TRPM3: variants seen among roughly 807,000 people sequenced by gnomAD.
The protein encoded by TRPM3 is transient receptor potential cation channel subfamily M member 3.
In TRPM3, 77 loss-of-function variants were observed where a neutral mutation model predicts 181.2. The ratio of observed to expected loss-of-function variants is 0.42; its 90% CI spans 0.35 to 0.51. The LOEUF (loss-of-function observed/expected upper bound fraction) is 0.51. Ranked by LOEUF, TRPM3 falls within the 20% of genes least tolerant of loss-of-function variation. TRPM3 has a pLI of 0.01. For synonymous variants in TRPM3, 745 were observed against 796.4 expected (o/e 0.94, Z 1.09); for missense variants, 1,759 against 2,196.7 (o/e 0.80, Z 3.98).
At chr9:70,829,849 T>G (rs1588953311) in intron 5 of TRPM3, among the ~76,000 whole-genome samples, 1 of 152,182 alleles carries the variant, frequency 6.6e-6, no homozygotes, top group East Asian at 1.9e-4. Flanking sequence ...AGGTTGCTTG[T>G]GGTTAAAATT....
At chr9:70,744,396 T>C (rs145291078) in intron 8 of TRPM3, among the ~76,000 whole-genome samples, 1 of 152,224 alleles carries the variant, frequency 6.6e-6, no homozygotes, top group African/African-American at 2.4e-5. Flanking sequence ...TGCTCTTCAT[T>C]TGTATAGTCT....
chr9:71,348,934 T>G (rs1003310874), intron 1 of TRPM3, among the ~76,000 whole-genome samples: 3 of 152,230 alleles, frequency 2.0e-5, no homozygotes, highest in African/African-American at 4.8e-5. Context: ...GCCACTGATC[T>G]GTTTTGTGAA....
intron 1 of TRPM3, among the ~76,000 whole-genome samples, chr9:71,131,768 C>A (rs1319269774): frequency 6.6e-6 from 1 of 152,144 alleles, no homozygotes; most frequent in East Asian, 1.9e-4. Flanking sequence ...AGACTCTAAA[C>A]TGCAGGTAGA....
At chr9:70,591,360 A>G (rs1338176148) in intron 21 of TRPM3, among the ~76,000 whole-genome samples, 155 bp from the exon 22 acceptor site, 1 of 152,176 alleles carries the variant, frequency 6.6e-6, no homozygotes, top group African/African-American at 2.4e-5. Flanking sequence ...CCAGATAAGA[A>G]GATGCTTGGT....
At chr9:70,864,372 T>C (rs1335233488) in intron 2 of TRPM3, 60 bp downstream of exon 2, 3 of 1,190,286 alleles carry the variant, frequency 2.5e-6, no homozygotes, top group South Asian at 1.8e-5. Context: ...ATGATTACTC[T>C]TGCAGGTTTT....
chr9:70,959,134 C>T (rs1402183223), intron 1 of TRPM3, among the ~76,000 whole-genome samples: 1 of 150,812 alleles, frequency 6.6e-6, no homozygotes, highest in Non-Finnish European at 1.5e-5. Context: ...GCACATGTAC[C>T]CTAAAACTTA....
intron 8 of TRPM3, 30 bp from the exon 9 acceptor site, chr9:70,681,608 A>G (rs767853181): frequency 1.9e-6 from 3 of 1,597,382 alleles, no homozygotes; most frequent in Non-Finnish European, 2.6e-6. Flanking sequence ...GATCATTAGC[A>G]AAGCATTTTT....
chr9:71,415,095 A>G (rs2131484984), intron 1 of TRPM3, among the ~76,000 whole-genome samples: 1 of 152,230 alleles, frequency 6.6e-6, no homozygotes, highest in South Asian at 2.1e-4. Context: ...AGAAGCAGAA[A>G]GAAATTTGAC....
At chr9:71,067,860 T>C (rs2062142290) in intron 1 of TRPM3, among the ~76,000 whole-genome samples, 1 of 152,208 alleles carries the variant, frequency 6.6e-6, no homozygotes, top group Admixed American at 6.5e-5. Context: ...CCACTAATTA[T>C]AATGTAACTT....
chr9:71,355,923 A>T (rs1409787445), intron 1 of TRPM3, among the ~76,000 whole-genome samples: 1 of 152,194 alleles, frequency 6.6e-6, no homozygotes, highest in African/African-American at 2.4e-5. Context: ...TAGACAAGTA[A>T]AACTTCTATT....
intron 1 of TRPM3, among the ~76,000 whole-genome samples, chr9:71,306,960 A>G (rs1031387525): frequency 2.0e-5 from 3 of 152,244 alleles, no homozygotes; most frequent in African/African-American, 7.2e-5. Context: ...TATCTGTAAA[A>G]TATCTTTGAC....
At chr9:71,078,101 G>A (rs918429848) in intron 1 of TRPM3, among the ~76,000 whole-genome samples, 3 of 151,626 alleles carry the variant, frequency 2.0e-5, no homozygotes, top group African/African-American at 7.3e-5. Context: ...ATACTTGGGA[G>A]GAATTTTTGT....
At chr9:70,637,875 G>A (rs995581718) in intron 11 of TRPM3, among the ~76,000 whole-genome samples, 5 of 152,122 alleles carry the variant, frequency 3.3e-5, no homozygotes, top group African/African-American at 9.7e-5. Context: ...TTGAATGTTT[G>A]TGTCCTCTCC....
chr9:71,342,636 C>T (rs959297997), intron 1 of TRPM3, among the ~76,000 whole-genome samples: 4 of 152,034 alleles, frequency 2.6e-5, no homozygotes, highest in Admixed American at 1.3e-4. Context: ...AAATAGGTGA[C>T]ATTTTGAAAG....
intron 3 of TRPM3, among the ~76,000 whole-genome samples, chr9:70,859,946 C>T (rs1047371266): frequency 1.2e-4 from 18 of 152,162 alleles, no homozygotes; most frequent in African/African-American, 3.6e-4. Context: ...GTCCTGGACC[C>T]ACCCTCCTGC....
intron 5 of TRPM3, among the ~76,000 whole-genome samples, chr9:70,831,039 T>G (rs1016043501): frequency 6.6e-6 from 1 of 152,160 alleles, no homozygotes; most frequent in Non-Finnish European, 1.5e-5. Context: ...ATATGCAAAG[T>G]GCTTTTTCTT....
intron 6 of TRPM3, chr9:70,793,809 G>A (rs1564324100): frequency 5.8e-6 from 2 of 347,342 alleles, no homozygotes; most frequent in Admixed American, 7.1e-5. Context: ...CATACTTCTA[G>A]TACTCATACC....
At chr9:71,203,233 T>C (rs538412350) in intron 1 of TRPM3, among the ~76,000 whole-genome samples, 4 of 152,346 alleles carry the variant, frequency 2.6e-5, no homozygotes, top group East Asian at 1.9e-4. Context: ...TTACCACTTA[T>C]GTCACCTTGG....
chr9:70,601,381 C>A (rs371353322), intron 20 of TRPM3, among the ~76,000 whole-genome samples: 1 of 152,136 alleles, frequency 6.6e-6, no homozygotes. Flanking sequence ...TTTTGTGTAT[C>A]CCTGGGAAGG....
Sources: gnomAD v4.1 joint callset for allele counts (sites outside exome capture counted in the v4.1 genomes callset) on GRCh38, gnomAD v4.1.1 for gene constraint, MANE v1.5 for transcripts, NCBI Gene and HGNC (gene_info 2026-07-23, HGNC 2026-07-21) for gene names.